Variants in OPCML observed in about 807,000 individuals in gnomAD.
OPCML encodes opioid binding protein/cell adhesion molecule like, also known as opioid-binding protein/cell adhesion molecule.
A neutral mutation model predicts 37.8 loss-of-function variants in OPCML; 13 were observed. The ratio of observed to expected loss-of-function variants is 0.34; its 90% CI spans 0.22 to 0.55. The LOEUF (loss-of-function observed/expected upper bound fraction) is 0.55, where lower values mean the gene tolerates loss of function less well. OPCML is among the 20% of genes least tolerant of loss of function. The pLI is 0.91. For synonymous variants in OPCML, 176 were observed against 168.8 expected, an observed-to-expected ratio of 1.04 and a Z score of -0.33; for missense variants, 341 against 435.6, an observed-to-expected ratio of 0.78 and a Z score of 1.93.
intron 4 of OPCML, among the ~76,000 whole-genome samples, chr11:132,489,956 T>G (rs991077328): frequency 2.6e-5 from 4 of 152,166 alleles, no homozygotes; most frequent in African/African-American, 7.2e-5. Context: ...TTTTCTGTTA[T>G]TGTATTAGTT....
At chr11:133,012,233 G>A (rs1378809366) in intron 1 of OPCML, among the ~76,000 whole-genome samples, 1 of 152,148 alleles carries the variant, frequency 6.6e-6, no homozygotes, top group Admixed American at 6.5e-5. Context: ...CCTCAACAAA[G>A]AATCATCTGG....
intron 1 of OPCML, among the ~76,000 whole-genome samples, chr11:133,337,074 C>T (rs991329184): frequency 6.6e-5 from 10 of 152,172 alleles, no homozygotes; most frequent in South Asian, 4.1e-4. Flanking sequence ...AAGAGAAGCG[C>T]GCAACCCCTC....
chr11:132,479,720 GA>G (rs1382284800), intron 4 of OPCML, among the ~76,000 whole-genome samples: 2 of 152,172 alleles, frequency 1.3e-5, no homozygotes, highest in East Asian at 3.9e-4. Context: ...CCTGACCCCT[GA>G]CCCCCAAGCA....
intron 4 of OPCML, among the ~76,000 whole-genome samples, chr11:132,495,594 TA>T (rs1407955867): frequency 6.6e-6 from 1 of 152,158 alleles, no homozygotes; most frequent in Non-Finnish European, 1.5e-5. Context: ...TAGAGTGGTT[TA>T]AAATGTTTGC....
At chr11:132,708,196 A>T (rs1944112752) in intron 2 of OPCML, among the ~76,000 whole-genome samples, 1 of 152,212 alleles carries the variant, frequency 6.6e-6, no homozygotes, top group Non-Finnish European at 1.5e-5. Flanking sequence ...CCTATGCTGA[A>T]TGGATAGACT....
Position 133,439,394 on chromosome 11 carries a change from C to A in OPCML, c.61+92870G>T, listed in dbSNP as rs769315379. The A allele has an allele frequency of 3.0e-6, 3 of 984,804 alleles. No individual in the cohort carries two copies. The African/African-American group carries it at 5.3e-5, about 17-fold the overall frequency. 61.0% of individuals were successfully genotyped at this position (984,804 alleles called of 1,614,324 possible). ...CTAGATGAGTTTATAGGAAAAATTC[C>A]GTCTGTTTCAGGGAATAGGAAATGC... On this transcript the variant is annotated intron_variant, in intron 1 of 7. Coordinates refer to ENST00000524381, the MANE Select transcript of OPCML (RefSeq NM_001012393.5).
intron 2 of OPCML, among the ~76,000 whole-genome samples, chr11:132,841,000 T>G (rs986217584): frequency 6.6e-6 from 1 of 152,128 alleles, no homozygotes; most frequent in African/African-American, 2.4e-5. Context: ...AGGGATGTTC[T>G]GTAACTTCTC....
At chr11:132,865,818 T>C (rs529562874) in intron 2 of OPCML, among the ~76,000 whole-genome samples, 1 of 152,160 alleles carries the variant, frequency 6.6e-6, no homozygotes, top group Non-Finnish European at 1.5e-5. Context: ...AAAAAACTCA[T>C]AGATAATGTA....
intron 1 of OPCML, among the ~76,000 whole-genome samples, chr11:133,069,866 A>T (rs1009289169): frequency 1.3e-5 from 2 of 151,966 alleles, no homozygotes; most frequent in African/African-American, 4.8e-5. Flanking sequence ...GAGGAGGGGG[A>T]CACATGAACG....
At chr11:132,850,519 GTGTGT>G (rs1941760903) in intron 2 of OPCML, among the ~76,000 whole-genome samples, 4 of 69,800 alleles carry the variant, frequency 5.7e-5, no homozygotes, top group Non-Finnish European at 1.5e-4. Context: ...TGGAAAGGGT[GTGTGT>G]GTGTGTGTGT....
chr11:133,383,642 C>A (rs1471165012), intron 1 of OPCML, among the ~76,000 whole-genome samples: 1 of 152,090 alleles, frequency 6.6e-6, no homozygotes, highest in Non-Finnish European at 1.5e-5. Flanking sequence ...GCATGAATAA[C>A]GTGCGTCTTC....
At chr11:133,129,518 C>T (rs965950221) in intron 1 of OPCML, among the ~76,000 whole-genome samples, 2 of 152,106 alleles carry the variant, frequency 1.3e-5, no homozygotes, top group African/African-American at 4.8e-5. Context: ...GGACAAAGGT[C>T]AATAATACTT....
chr11:132,483,466 A>G (rs919376434), intron 4 of OPCML, among the ~76,000 whole-genome samples: 5 of 152,170 alleles, frequency 3.3e-5, no homozygotes, highest in Admixed American at 6.5e-5. Context: ...AGGAAGAATC[A>G]ATATCATGAA....
At chr11:133,230,063 G>T (rs996586320) in intron 1 of OPCML, among the ~76,000 whole-genome samples, 4 of 152,020 alleles carry the variant, frequency 2.6e-5, no homozygotes, top group Admixed American at 6.5e-5. Flanking sequence ...TCAATTTAAA[G>T]GATTAAAAAA....
intron 1 of OPCML, among the ~76,000 whole-genome samples, chr11:133,135,413 T>C (rs1384590998): frequency 6.6e-6 from 1 of 151,446 alleles, no homozygotes; most frequent in African/African-American, 2.4e-5. Flanking sequence ...GGTGGGTGTG[T>C]TGATTCCTAT....
At chr11:133,466,224 C>CATGAGACAAAGATTTT (rs1261916594) in intron 1 of OPCML, among the ~76,000 whole-genome samples, 4 of 152,156 alleles carry the variant, frequency 2.6e-5, no homozygotes, top group African/African-American at 9.7e-5. Flanking sequence ...TGGGAAGGAG[C>CATGAGACAAAGATTTT]ATGAGACAAA....
intron 1 of OPCML, among the ~76,000 whole-genome samples, chr11:133,262,017 A>G (rs1941510458): frequency 6.6e-6 from 1 of 152,220 alleles, no homozygotes; most frequent in South Asian, 2.1e-4. Context: ...GACATTAAGC[A>G]AAGGGACTTT....
intron 2 of OPCML, among the ~76,000 whole-genome samples, chr11:132,727,762 C>T (rs527387158): frequency 1.4e-4 from 21 of 152,312 alleles, no homozygotes; most frequent in South Asian, 4.1e-4. Flanking sequence ...AAAATATCCT[C>T]CTACAGCCCT....
chr11:132,951,767 T>C (rs1945866138), intron 1 of OPCML, among the ~76,000 whole-genome samples: 2 of 152,356 alleles, frequency 1.3e-5, no homozygotes, highest in East Asian at 1.9e-4. Flanking sequence ...AAAGGCTTTT[T>C]TTCTGTGTGT....
Sources: allele counts gnomAD v4.1 joint callset (sites outside exome capture counted in the v4.1 genomes callset), GRCh38; gene constraint gnomAD v4.1.1; transcripts MANE v1.5; gene names NCBI Gene and HGNC (gene_info 2026-07-23, HGNC 2026-07-21).